MYO1F: variants seen among roughly 807,000 people sequenced by gnomAD.
The protein encoded by MYO1F is unconventional myosin-If.
A neutral mutation model predicts 146.6 loss-of-function variants in MYO1F; 60 were observed. The ratio of observed to expected loss-of-function variants is 0.41; its 90% CI spans 0.33 to 0.51. The LOEUF (loss-of-function observed/expected upper bound fraction) is 0.51. Ranked by LOEUF, MYO1F falls within the 20% of genes least tolerant of loss-of-function variation. MYO1F has a pLI of 0.25. For missense variants in MYO1F, 1,274 were observed against 1,534.3 expected, an observed-to-expected ratio of 0.83 and a Z score of 2.83; for synonymous variants, 602 against 602.1, an observed-to-expected ratio of 1.00 and a Z score of 0.00.
intron 12 of MYO1F, among the ~76,000 whole-genome samples, chr19:8,546,552 G>A (rs560040683): frequency 5.3e-5 from 8 of 151,876 alleles, no homozygotes; most frequent in Non-Finnish European, 1.2e-4. Context: ...TAGAGATGAG[G>A]TCTCACTATG....
At chr19:8,567,217 C>T (rs1270154158) in intron 1 of MYO1F, among the ~76,000 whole-genome samples, 1 of 151,738 alleles carries the variant, frequency 6.6e-6, no homozygotes, top group Non-Finnish European at 1.5e-5. Context: ...TAGGCACCCA[C>T]CACCAAGCCT....
chr19:8,547,986 ACCCC>A, intron 12 of MYO1F, 46 bp downstream of exon 12: 2 of 837,526 alleles, frequency 2.4e-6, no homozygotes, highest in Non-Finnish European at 2.1e-6. Context: ...TGGTCCTTCC[ACCCC>A]ACCCCCACCC....
Position 8,527,351 on chromosome 19 carries a change from C to T in MYO1F, c.2461G>A (p.Gly821Arg), listed in dbSNP as rs200225777. The part of the protein sequence containing the change: ...KKKVDIQALR[G>R]VSLSTRQDDF... Reference sequence around the variant, plus strand: ...ACCTGGCTTCACCTGAGGGAGACTCCCCGCAGAGCCTGGATGTCCACTTTC... The same window carrying T: ...ACCTGGCTTCACCTGAGGGAGACTCTCCGCAGAGCCTGGATGTCCACTTTC... Residue 821 changes from glycine to arginine, a missense_variant, in exon 22 of 28, where the codon GGA (glycine) becomes AGA (arginine). By Grantham distance (125) the Gly-to-Arg change is moderately radical. Coordinates refer to ENST00000644032, the MANE Select transcript of MYO1F (RefSeq NM_012335.4). 149 of 1,614,036 alleles carry T rather than the reference C, an allele frequency of 9.2e-5. No individual in the cohort carries two copies. The highest frequency in any genetic ancestry group is 3.3e-4 in the Middle Eastern group (2 of 6,052).
Position 8,526,940 on chromosome 19 carries a change from G to A in MYO1F, c.2475-5C>T. ...AAGAAGTCGTCCTGTCGCGTGCTGG[G>A]GAGGGGCGGGTGAGAGCGTCAGGTG... On this transcript the variant is annotated splice_polypyrimidine_tract_variant and splice_region_variant and intron_variant, in intron 22 of 27. Coordinates refer to ENST00000644032, the MANE Select transcript of MYO1F (RefSeq NM_012335.4). 1 of 1,613,790 alleles carries A rather than the reference G, an allele frequency of 6.2e-7. No homozygotes were observed.
At chr19:8,551,511 C>T (rs1157608238) in intron 8 of MYO1F, 2 of 555,004 alleles carry the variant, frequency 3.6e-6, no homozygotes, top group Admixed American at 5.9e-5. Context: ...GCCACCACAT[C>T]TGGCTAATTT....
chr19:8,548,226 G>C lies in MYO1F; in HGVS notation c.1182+11C>G. Reference sequence around the variant, plus strand: ...GAGGACAGGATGTGGGCTGGAGGCAGGGGGCCGTACCTGGAAGATCTCGAA... The same window carrying C: ...GAGGACAGGATGTGGGCTGGAGGCACGGGGCCGTACCTGGAAGATCTCGAA... On this transcript the variant is annotated intron_variant, in intron 11 of 27. Transcript: ENST00000644032. 1 of 1,613,586 alleles carries C rather than the reference G, an allele frequency of 6.2e-7. No individual in the cohort carries two copies. The highest frequency in any genetic ancestry group is 8.5e-7 in the Non-Finnish European group (1 of 1,179,614).
chr19:8,536,201 CTT>C (rs1229736423), intron 19 of MYO1F, 49 bp downstream of exon 19: 1 of 1,591,248 alleles, frequency 6.3e-7, no homozygotes, highest in East Asian at 2.2e-5. Context: ...CTCTCTATAC[CTT>C]TCTCTCTCTT....
chr19:8,552,464 A>G (rs773285600), intron 6 of MYO1F, among the ~76,000 whole-genome samples: 10 of 151,842 alleles, frequency 6.6e-5, no homozygotes, highest in Non-Finnish European at 8.8e-5. Context: ...TGTATTTTTC[A>G]TCATGTTGGC....
Position 8,554,693 on chromosome 19 carries a change from G to C in MYO1F, c.192C>G (p.Pro64=), listed in dbSNP as rs746781293. The change falls in exon 3 of 28, where the codon CCC becomes CCG. Residue 64 remains proline (P), a synonymous_variant. Transcript: ENST00000644032. ...LISVNPFKQM[P]YFTDREIDLY... is the part of the protein sequence containing the mutation. ...GGTCGATCTCACGGTCGGTGAAGTA[G>C]GGCATCTGCTTGAAGGGGTTTACAG... The C allele has an allele frequency of 1.9e-6, 3 of 1,613,932 alleles. No individual in the cohort carries two copies. Among genetic ancestry groups the C allele is most frequent in the Non-Finnish European group, 2.5e-6 (3 of 1,179,996 alleles).
intron 1 of MYO1F, among the ~76,000 whole-genome samples, chr19:8,556,140 T>C (rs2145930916): frequency 6.6e-6 from 1 of 151,784 alleles, no homozygotes; most frequent in East Asian, 2.0e-4. Flanking sequence ...GCGATTCTCC[T>C]GCCTCAGCCT....
At chr19:8,568,123 C>T (rs1015684805) in intron 1 of MYO1F, among the ~76,000 whole-genome samples, 3 of 152,110 alleles carry the variant, frequency 2.0e-5, no homozygotes, top group Non-Finnish European at 4.4e-5. Flanking sequence ...GCTCCAGCCA[C>T]CTGTAAAATC....
chr19:8,536,703 C>G, intron 17 of MYO1F, 106 bp from the exon 18 acceptor site: 1 of 498,342 alleles, frequency 2.0e-6, no homozygotes, highest in East Asian at 4.2e-5. Flanking sequence ...TGGATTCATG[C>G]TGAGGGAAGT....
chr19:8,546,378 G>T (rs74808663), intron 12 of MYO1F, among the ~76,000 whole-genome samples: 6 of 144,156 alleles, frequency 4.2e-5, no homozygotes, highest in Non-Finnish European at 4.5e-5. Flanking sequence ...TTTTTTTTTT[G>T]AGACCGGGTT....
chr19:8,554,253 G>C (rs768092586), intron 4 of MYO1F, among the ~76,000 whole-genome samples: 18 of 152,126 alleles, frequency 1.2e-4, no homozygotes, highest in Non-Finnish European at 2.4e-4. Flanking sequence ...CACTACACCT[G>C]GCCTGAGGTG....
chr19:8,562,858 T>G (rs896504536), intron 1 of MYO1F, among the ~76,000 whole-genome samples: 3 of 152,128 alleles, frequency 2.0e-5, no homozygotes, highest in African/African-American at 7.2e-5. Flanking sequence ...GGAAACTCAC[T>G]TCGTTGAAAG....
At chr19:8,542,599 G>A in intron 14 of MYO1F, among the ~76,000 whole-genome samples, 1 of 149,782 alleles carries the variant, frequency 6.7e-6, no homozygotes, top group East Asian at 2.0e-4. Context: ...GTTTTTGTTT[G>A]TTTGCTTTTT....
intron 1 of MYO1F, among the ~76,000 whole-genome samples, chr19:8,573,423 AACTGCTGATAACT>A (rs2042147416): frequency 6.6e-6 from 1 of 152,122 alleles, no homozygotes. Flanking sequence ...GACAAACAGA[AACTGCTGATAACT>A]CCAATACCAT....
At chr19:8,545,547 A>G in intron 13 of MYO1F, 103 bp downstream of exon 13, 1 of 945,316 alleles carries the variant, frequency 1.1e-6, no homozygotes, top group Non-Finnish European at 1.8e-6. Context: ...AGGGTAGAGA[A>G]GGGCCTGAGG....
chr19:8,559,948 C>T (rs1487737885), intron 1 of MYO1F, among the ~76,000 whole-genome samples: 1 of 93,814 alleles, frequency 1.1e-5, no homozygotes, highest in African/African-American at 3.6e-5. Context: ...AAAACTCCAT[C>T]TCAGAAAAAA....
Sources: allele counts gnomAD v4.1 joint callset (sites outside exome capture counted in the v4.1 genomes callset), GRCh38; gene constraint gnomAD v4.1.1; transcripts MANE v1.5; gene names NCBI Gene and HGNC (gene_info 2026-07-23, HGNC 2026-07-21).